Variants in TBC1D1 observed in about 807,000 individuals in gnomAD.
TBC1D1 encodes TBC1 (tre-2/USP6, BUB2, cdc16) domain family, member 1.
A neutral mutation model predicts 125.6 loss-of-function variants in TBC1D1; 89 were observed. The observed-to-expected ratio is 0.71, with a 90% confidence interval of 0.60 to 0.85. The LOEUF is 0.85. Ranked by LOEUF, TBC1D1 falls within the 40% of genes least tolerant of loss-of-function variation. TBC1D1 has a pLI of 0.00. For synonymous variants in TBC1D1, 565 were observed against 564.1 expected, an observed-to-expected ratio of 1.00 and a Z score of -0.02; for missense variants, 1,377 against 1,469.2, an observed-to-expected ratio of 0.94 and a Z score of 1.03.
intron 2 of TBC1D1, among the ~76,000 whole-genome samples, chr4:37,965,480 A>G (rs1320497715): frequency 6.6e-6 from 1 of 152,166 alleles, no homozygotes; most frequent in Non-Finnish European, 1.5e-5. Context: ...CTCAGCGGAT[A>G]TTGTTTTCAT....
chr4:37,893,679 A>T lies in TBC1D1; in HGVS notation c.-94+2331A>T, dbSNP rs114178822. 8.8e-3 allele frequency among the ~76,000 whole-genome samples: 1,342 copies of T among 151,978 alleles called. 17 individuals carry two copies. Among genetic ancestry groups the T allele is most frequent in the African/African-American group, 0.031 (1,275 of 41,450 alleles). The stretch of plus-strand genomic sequence containing the variant: ...ACAAAAATATAGATCTACAAAAACT[A>T]GCCAGGCATGGTGGCATGTGCCTGT... On this transcript the variant is annotated intron_variant, in intron 1 of 19. Transcript: ENST00000261439.
At chr4:38,109,974 G>A (rs1337809439) in intron 15 of TBC1D1, among the ~76,000 whole-genome samples, 7 of 152,170 alleles carry the variant, frequency 4.6e-5, no homozygotes, top group Admixed American at 3.9e-4. Context: ...ATAGAGGGTC[G>A]GTGTCAGATT....
chr4:38,037,128 C>T (rs938983089), intron 8 of TBC1D1, among the ~76,000 whole-genome samples: 5 of 152,086 alleles, frequency 3.3e-5, no homozygotes, highest in African/African-American at 4.8e-5. Flanking sequence ...GAAGCATTTA[C>T]GGTGGATGGA....
In TBC1D1 at chr4:38,103,241, G is replaced by A. The variant is rs565684652; in HGVS notation, c.2557+84G>A. ...GAAGAGACTGTCCAAGTTATGTATT[G>A]ACCTGCCTTTAGGTTTAGCAATCAA... On this transcript the variant is annotated intron_variant, in intron 15 of 19. Transcript: ENST00000261439. 1.3e-5 allele frequency: 19 copies of A among 1,423,464 alleles called. No homozygotes were observed. In the African/African-American group the frequency reaches 2.3e-4, roughly 17 times the overall value. The allele number at this position is 1,423,464 out of a possible 1,614,324, so 88.2% of individuals were successfully genotyped here. A position where few individuals can be genotyped will look rare whatever the true frequency, so the allele number is the denominator to read the frequency against.
intron 12 of TBC1D1, among the ~76,000 whole-genome samples, chr4:38,065,373 G>T (rs1015880085): frequency 6.6e-6 from 1 of 152,110 alleles, no homozygotes; most frequent in Non-Finnish European, 1.5e-5. Context: ...AATTATCTTG[G>T]GTGGAGCCCT....
At chr4:37,954,160 T>C (rs1728446945) in intron 2 of TBC1D1, among the ~76,000 whole-genome samples, 1 of 152,208 alleles carries the variant, frequency 6.6e-6, no homozygotes, top group East Asian at 1.9e-4. Context: ...CCTTTTGTTG[T>C]GTGGCCTCAG....
At chr4:38,028,281 T>G (rs901563825) in intron 7 of TBC1D1, among the ~76,000 whole-genome samples, 2 of 152,206 alleles carry the variant, frequency 1.3e-5, no homozygotes, top group Non-Finnish European at 2.9e-5. Flanking sequence ...TTCTTCTGCC[T>G]CAGCTTCCTG....
chr4:38,033,941 G>A (rs981357071), intron 7 of TBC1D1, among the ~76,000 whole-genome samples: 2 of 152,154 alleles, frequency 1.3e-5, no homozygotes, highest in Admixed American at 6.5e-5. Context: ...TTTGCCGATC[G>A]ATGCACATCT....
At chr4:38,101,208 G>A (rs1026920380) in intron 14 of TBC1D1, among the ~76,000 whole-genome samples, 3 of 152,238 alleles carry the variant, frequency 2.0e-5, no homozygotes, top group Non-Finnish European at 4.4e-5. Context: ...AGAAACCAGA[G>A]AAACCATCCT....
intron 14 of TBC1D1, among the ~76,000 whole-genome samples, chr4:38,097,193 A>T (rs1759495108): frequency 6.6e-6 from 1 of 151,750 alleles, no homozygotes; most frequent in Non-Finnish European, 1.5e-5. Context: ...ATGTAGTTTC[A>T]CTCTTGTTGC....
chr4:38,127,089 G>C (rs138306666), intron 18 of TBC1D1, among the ~76,000 whole-genome samples: 1 of 151,306 alleles, frequency 6.6e-6, no homozygotes, highest in Non-Finnish European at 1.5e-5. Flanking sequence ...CCTAGACTGA[G>C]GGCTATATCC....
intron 12 of TBC1D1, among the ~76,000 whole-genome samples, chr4:38,070,434 C>T (rs1208666409): frequency 6.6e-6 from 1 of 152,166 alleles, no homozygotes; most frequent in South Asian, 2.1e-4. Context: ...CGGCATGACC[C>T]GGCCATGGGG....
At chr4:37,950,131 A>G (rs990072300) in intron 2 of TBC1D1, among the ~76,000 whole-genome samples, 4 of 152,208 alleles carry the variant, frequency 2.6e-5, no homozygotes, top group Admixed American at 2.0e-4. Context: ...AACCAGGACA[A>G]TACGATATTA....
chr4:37,965,721 C>G (rs73236859), intron 2 of TBC1D1, among the ~76,000 whole-genome samples: 12,220 of 152,088 alleles, frequency 0.08, 528 homozygotes, highest in South Asian at 0.11. Context: ...AGGTGCAAAC[C>G]TGTCATGGAC....
rs765394856 is a variant in TBC1D1, at chr4:38,089,928, C to G, written c.2051-4C>G. On this transcript the variant is annotated splice_polypyrimidine_tract_variant and splice_region_variant and intron_variant, in intron 12 of 19. Transcript: ENST00000261439. ...CAATTCTGGAATGCCGTCTCCCTTT[C>G]CAGATTATTCAGAGCTGGGAGAGCT... The G allele has an allele frequency of 6.4e-7, 1 of 1,559,562 alleles. No homozygotes were observed. The highest frequency in any genetic ancestry group is 8.7e-7 in the Non-Finnish European group (1 of 1,155,738).
In TBC1D1 at chr4:38,022,951, A is replaced by G. The variant is rs181267081; in HGVS notation, c.1210+1233A>G. ...TTCTCATGTTTGTAGAATGTTTATT[A>G]TACACCTGTAATTCCAGCGCTTGGG... On this transcript the variant is annotated intron_variant, in intron 6 of 19. Transcript: ENST00000261439. 1.2e-4 allele frequency among the ~76,000 whole-genome samples: 18 copies of G among 152,312 alleles called. 1 individual carries two copies. In the East Asian group the frequency reaches 2.9e-3, roughly 24 times the overall value.
chr4:37,974,689 C>T (rs1732709388), intron 2 of TBC1D1, among the ~76,000 whole-genome samples: 1 of 152,178 alleles, frequency 6.6e-6, no homozygotes, highest in Admixed American at 6.5e-5. Context: ...TCCTGAGTAG[C>T]TGGGATTACA....
At chr4:38,103,837 A>G (rs1042279987) in intron 15 of TBC1D1, among the ~76,000 whole-genome samples, 6 of 152,196 alleles carry the variant, frequency 3.9e-5, no homozygotes, top group Admixed American at 3.9e-4. Flanking sequence ...ATTAGGTGTT[A>G]TAGGTAATCT....
At chr4:37,922,554 C>T (rs1437749145) in intron 2 of TBC1D1, among the ~76,000 whole-genome samples, 1 of 152,204 alleles carries the variant, frequency 6.6e-6, no homozygotes, top group East Asian at 1.9e-4. Flanking sequence ...GACCACAGAC[C>T]CTCCACCCTC....
Sources: gnomAD v4.1 joint callset for allele counts (sites outside exome capture counted in the v4.1 genomes callset) on GRCh38, gnomAD v4.1.1 for gene constraint, MANE v1.5 for transcripts, NCBI Gene and HGNC (gene_info 2026-07-23, HGNC 2026-07-21) for gene names.